Variants in NLGN1 observed in about 807,000 individuals in gnomAD.
NLGN1 encodes neuroligin 1.
NLGN1 carries 12 observed loss-of-function variants against 65.5 expected under a neutral mutation model. That is an observed-to-expected ratio of 0.18 (90% CI 0.12 to 0.30). The LOEUF (loss-of-function observed/expected upper bound fraction) is 0.30. NLGN1 is among the 10% of genes least tolerant of loss of function. The probability of loss-of-function intolerance (pLI) is 1.00; values close to 1 mark genes in which losing one functional copy is unlikely to be tolerated. For missense variants in NLGN1, 750 were observed against 1,007.1 expected, an observed-to-expected ratio of 0.74 and a Z score of 3.46; for synonymous variants, 350 against 359.5, an observed-to-expected ratio of 0.97 and a Z score of 0.30.
intron 2 of NLGN1, among the ~76,000 whole-genome samples, chr3:173,529,120 TTTTA>T (rs1467871540): frequency 2.0e-5 from 3 of 152,178 alleles, no homozygotes; most frequent in African/African-American, 7.2e-5. Flanking sequence ...TCTATCTTTA[TTTTA>T]TTTATTTCCC....
At chr3:173,941,487 T>C (rs893593597) in intron 4 of NLGN1, among the ~76,000 whole-genome samples, 1 of 151,956 alleles carries the variant, frequency 6.6e-6, no homozygotes, top group African/African-American at 2.4e-5. Context: ...CTTCCAGTGG[T>C]TGGAAGCCTA....
intron 4 of NLGN1, among the ~76,000 whole-genome samples, chr3:173,988,317 T>G (rs1560785789): frequency 6.6e-6 from 1 of 152,184 alleles, no homozygotes; most frequent in Non-Finnish European, 1.5e-5. Flanking sequence ...TTAAATGCTT[T>G]TTCTTTGTAT....
At chr3:174,246,907 C>T (rs1329543267) in intron 4 of NLGN1, among the ~76,000 whole-genome samples, 1 of 152,126 alleles carries the variant, frequency 6.6e-6, no homozygotes, top group Non-Finnish European at 1.5e-5. Flanking sequence ...AGGAATTTGA[C>T]AAGTAAATTA....
intron 4 of NLGN1, among the ~76,000 whole-genome samples, chr3:173,863,774 G>T (rs753781450): frequency 3.9e-5 from 6 of 152,178 alleles, no homozygotes; most frequent in Non-Finnish European, 7.3e-5. Flanking sequence ...TTACTGGCAG[G>T]ACTAGCATTC....
intron 2 of NLGN1, among the ~76,000 whole-genome samples, chr3:173,503,939 T>G (rs1471570692): frequency 6.6e-6 from 1 of 152,064 alleles, no homozygotes; most frequent in Non-Finnish European, 1.5e-5. Context: ...GCACTTTGCT[T>G]CTTTTGCTCG....
chr3:173,667,558 T>C (rs1761880724), intron 3 of NLGN1, among the ~76,000 whole-genome samples: 1 of 152,176 alleles, frequency 6.6e-6, no homozygotes, highest in Non-Finnish European at 1.5e-5. Flanking sequence ...TCACCAATTT[T>C]ATTCTGTAAC....
chr3:173,538,148 A>G (rs1737764026), intron 2 of NLGN1, among the ~76,000 whole-genome samples: 1 of 152,198 alleles, frequency 6.6e-6, no homozygotes, highest in Non-Finnish European at 1.5e-5. Flanking sequence ...CTTGATTCCC[A>G]GACCCGTGAA....
intron 4 of NLGN1, among the ~76,000 whole-genome samples, chr3:174,112,786 TTTTTATTTTA>T (rs1715523985): frequency 1.3e-5 from 2 of 151,912 alleles, no homozygotes; most frequent in African/African-American, 4.8e-5. Flanking sequence ...ATATGATTTA[TTTTTATTTTA>T]GACCCATTAT....
chr3:174,076,648 G>T (rs1466177066), intron 4 of NLGN1, among the ~76,000 whole-genome samples: 1 of 151,138 alleles, frequency 6.6e-6, no homozygotes, highest in Non-Finnish European at 1.5e-5. Context: ...CTGCTAGAGA[G>T]TGCTAATAGT....
intron 3 of NLGN1, among the ~76,000 whole-genome samples, chr3:173,624,300 T>A (rs979931107): frequency 2.0e-5 from 3 of 152,192 alleles, no homozygotes; most frequent in Non-Finnish European, 2.9e-5. Flanking sequence ...GACTGCACTT[T>A]CTGCCTACTT....
the NLGN1 span, among the ~76,000 whole-genome samples, chr3:174,292,519 A>T: frequency 6.6e-6 from 1 of 151,424 alleles, no homozygotes; most frequent in Non-Finnish European, 1.5e-5. Flanking sequence ...AATAATTAAA[A>T]AGAAAACATC....
chr3:173,788,153 T>G (rs568690508), intron 3 of NLGN1, among the ~76,000 whole-genome samples: 62 of 149,710 alleles, frequency 4.1e-4, no homozygotes, highest in African/African-American at 1.5e-3. Flanking sequence ...CATTTTACCT[T>G]TAAATTTTCT....
intron 4 of NLGN1, among the ~76,000 whole-genome samples, chr3:174,197,751 C>CGTGTGTGTGTGTGTGTGTGTGTGT (rs71162378): frequency 2.8e-4 from 40 of 141,732 alleles, no homozygotes; most frequent in African/African-American, 1.0e-3. Flanking sequence ...CCCATTATCT[C>CGTGTGTGTGTGTGTGTGTGTGTGT]GTGTGTGTGT....
At chr3:173,964,227 C>T (rs1385609244) in intron 4 of NLGN1, among the ~76,000 whole-genome samples, 1 of 152,116 alleles carries the variant, frequency 6.6e-6, no homozygotes, top group Non-Finnish European at 1.5e-5. Flanking sequence ...ACAAGATGTC[C>T]TGGAAGGGCT....
intron 4 of NLGN1, among the ~76,000 whole-genome samples, chr3:174,125,795 A>C (rs945776717): frequency 6.6e-6 from 1 of 152,068 alleles, no homozygotes; most frequent in Non-Finnish European, 1.5e-5. Context: ...TAGGAAGAAA[A>C]CTTTTAAGAT....
At position 173,869,791 on chromosome 3, in the gene NLGN1, A is replaced by G. The variant is rs577321208; in HGVS notation, c.646+61959A>G. On this transcript the variant is annotated intron_variant, in intron 4 of 6. Transcript: ENST00000457714. ...TTACTGGAATTAAAATACGTATCCT[A>G]CAAACGAGGCTTTAATTCATTGTCT... Among the ~76,000 whole-genome samples, 3 of 152,308 alleles carry G rather than the reference A, an allele frequency of 2.0e-5. No individual in the cohort carries two copies. The East Asian group carries it at 5.8e-4, about 29-fold the overall frequency.
At chr3:173,984,665 A>G (rs574184685) in intron 4 of NLGN1, among the ~76,000 whole-genome samples, 1 of 152,316 alleles carries the variant, frequency 6.6e-6, no homozygotes, top group East Asian at 1.9e-4. Context: ...TGTACAAACT[A>G]TGAAGTAGTA....
In NLGN1 at chr3:173,583,040, A is replaced by G. The variant is rs538787716; in HGVS notation, c.-320-21239A>G. Among the ~76,000 whole-genome samples, 19 of 152,312 alleles carry G rather than the reference A, an allele frequency of 1.2e-4. No individual in the cohort carries two copies. In the South Asian group the frequency reaches 3.9e-3, roughly 32 times the overall value. On this transcript the variant is annotated intron_variant, in intron 2 of 6. Coordinates refer to ENST00000457714, the Ensembl canonical transcript of NLGN1. ...ACCAGTTATTTATCAGGTTTCCACA[A>G]ATCCATGAATATTTTTCTGGACTTT...
intron 3 of NLGN1, among the ~76,000 whole-genome samples, chr3:173,783,626 G>GT (rs1781516183): frequency 6.6e-6 from 1 of 151,968 alleles, no homozygotes; most frequent in Non-Finnish European, 1.5e-5. Flanking sequence ...TTGTTTTTTT[G>GT]TTTTTTGAGA....
Sources: allele counts gnomAD v4.1 joint callset (sites outside exome capture counted in the v4.1 genomes callset), GRCh38; gene constraint gnomAD v4.1.1; transcripts MANE v1.5; gene names NCBI Gene and HGNC (gene_info 2026-07-23, HGNC 2026-07-21).